Variants in NYNRIN observed in about 807,000 individuals in gnomAD.
The protein encoded by NYNRIN is NYN domain and retroviral integrase containing, also known as protein NYNRIN.
In NYNRIN, 86 loss-of-function variants were observed where a neutral mutation model predicts 146.6. That is an observed-to-expected ratio of 0.59 (90% confidence interval 0.49 to 0.70). The LOEUF (loss-of-function observed/expected upper bound fraction) is 0.70, where lower values mean the gene tolerates loss of function less well. Ranked by LOEUF, NYNRIN falls within the 30% of genes least tolerant of loss-of-function variation. The probability of loss-of-function intolerance (pLI) is 0.00; values close to 1 mark genes in which losing one functional copy is unlikely to be tolerated. For synonymous variants in NYNRIN, 1,027 were observed against 1,001.3 expected (o/e 1.03, Z -0.48); for missense variants, 2,191 against 2,377.7 (o/e 0.92, Z 1.63).
At chr14:24,406,860 C>T (rs1458229453) in intron 2 of NYNRIN, among the ~76,000 whole-genome samples, 1 of 152,252 alleles carries the variant, frequency 6.6e-6, no homozygotes, top group Non-Finnish European at 1.5e-5. Context: ...GGAGAAACCC[C>T]AACCTCGCCC....
At position 24,408,079 on chromosome 14, in the gene NYNRIN, C is replaced by T. The variant is rs373561750; in HGVS notation, c.409C>T (p.Leu137=). 4 of 1,613,606 alleles carry T rather than the reference C, an allele frequency of 2.5e-6. No homozygotes were observed. The highest frequency in any genetic ancestry group is 2.2e-5 in the East Asian group (1 of 44,880). The part of the protein sequence containing the change: ...FIMTQNWLEE[L]VGRLRWGPAP... ...CATGACACAGAACTGGCTGGAGGAGCTGGTGGGGCGACTGCGCTGGGGCCC... is the reference window on the plus strand; with the variant it reads ...CATGACACAGAACTGGCTGGAGGAGTTGGTGGGGCGACTGCGCTGGGGCCC... Residue 137 remains leucine (L), a synonymous_variant, in exon 3 of 9, where the codon CTG becomes TTG. Coordinates refer to ENST00000382554, the MANE Select transcript of NYNRIN (RefSeq NM_025081.3).
At position 24,417,544 on chromosome 14, in the gene NYNRIN, C is replaced by T. The variant is rs2042956736; in HGVS notation, c.*98C>T. The stretch of plus-strand genomic sequence containing the variant: ...GTGCTCTCAGTCCACTGGGGGCCCT[C>T]AGTTGTGCCTTTTGTAGAGAACTTG... On this transcript the variant is annotated 3_prime_UTR_variant, in exon 9 of 9. Coordinates refer to ENST00000382554, the MANE Select transcript of NYNRIN (RefSeq NM_025081.3). 3.6e-6 allele frequency: 5 copies of T among 1,386,138 alleles called. No homozygotes were observed. Among genetic ancestry groups the T allele is most frequent in the Non-Finnish European group, 4.7e-6 (5 of 1,071,052 alleles). 85.9% of individuals were successfully genotyped at this position (1,386,138 alleles called of 1,614,324 possible).
In NYNRIN at chr14:24,408,378, CGTG is replaced by C. The variant is rs770940467; in HGVS notation, c.710_712del (p.Val237del). ...AGAAGGAAGCCCCAGCCATGGTGTCCGTGGGAGAGAGTCCTGGACCCTTTGTGG... is the reference window on the plus strand; with the variant it reads ...AGAAGGAAGCCCCAGCCATGGTGTCCGGAGAGAGTCCTGGACCCTTTGTGG... On this transcript the variant is annotated inframe_deletion, in exon 3 of 9. Transcript: ENST00000382554. 6.2e-7 allele frequency: 1 copy of C among 1,613,762 alleles called. No individual in the cohort carries two copies. Among genetic ancestry groups the C allele is most frequent in the African/African-American group, 1.3e-5 (1 of 74,914 alleles).
rs371855060 is a variant in NYNRIN, at chr14:24,415,578, G to A, written c.3829G>A (p.Gly1277Ser). Reference protein sequence around the residue: ...KRALELALLQGLLGENRLLTP... With the variant: ...KRALELALLQSLLGENRLLTP... ...GGCCCTGGAATTGGCCCTCCTCCAG[G>A]GCCTGCTGGGGGAGAACCGCCTGCT... The change falls in exon 9 of 9, where the codon GGC (glycine) becomes AGC (serine). Residue 1277 changes from glycine to serine, a missense_variant. Gly to Ser is a moderately conservative substitution (Grantham distance 56, BLOSUM62 0). Transcript: ENST00000382554. 5.6e-6 allele frequency: 9 copies of A among 1,613,770 alleles called. No homozygotes were observed. Among genetic ancestry groups the A allele is most frequent in the Non-Finnish European group, 6.8e-6 (8 of 1,179,886 alleles).
intron 6 of NYNRIN, 34 bp from the exon 7 acceptor site, chr14:24,412,963 A>T: frequency 7.1e-7 from 1 of 1,406,880 alleles, no homozygotes; most frequent in Non-Finnish European, 9.9e-7. Context: ...GGGGCTAGTT[A>T]CTGGGTCATT....
chr14:24,408,696 A>G lies in NYNRIN; in HGVS notation c.902A>G (p.Glu301Gly). Residue 301 changes from glutamate (E) to glycine (G), a missense_variant, in exon 4 of 9, where the codon GAA becomes GGA. By Grantham distance (98) the Glu-to-Gly change is moderately conservative (BLOSUM62 -2). This residue lies in a region of NYNRIN where 895 missense variants were observed against 941.2 expected (regional missense o/e 0.95). Transcript: ENST00000382554. ...GATGGTATGGACAGTGCTCAAGAGG[A>G]AGGGACAGTGCAAGCCACCAGCAGC... ...NQDGMDSAQEEGTVQATSSQD... is the reference protein window; with the variant it reads ...NQDGMDSAQEGGTVQATSSQD... 6.2e-7 allele frequency: 1 copy of G among 1,613,286 alleles called. No homozygotes were observed. The highest frequency in any genetic ancestry group is 1.3e-5 in the African/African-American group (1 of 75,044).
At position 24,410,056 on chromosome 14, in the gene NYNRIN, G is replaced by C. The variant is rs1400214089; in HGVS notation, c.2262G>C (p.Gln754His). 1 of 1,613,818 alleles carries C rather than the reference G, an allele frequency of 6.2e-7. No homozygotes were observed. Among genetic ancestry groups the C allele is most frequent in the Non-Finnish European group, 8.5e-7 (1 of 1,179,910 alleles). Residue 754 changes from glutamine (Q) to histidine (H), a missense_variant, in exon 4 of 9, where the codon CAG becomes CAC. Physicochemically the swap from Gln to His is conservative, Grantham distance 24. Coordinates refer to ENST00000382554, the MANE Select transcript of NYNRIN (RefSeq NM_025081.3). Reference sequence around the variant, plus strand: ...GGGCTTGGGAGGGGGCCCCAAGGCAGCCACCTCGCCACCTGCAAGCGAACA... The same window carrying C: ...GGGCTTGGGAGGGGGCCCCAAGGCACCCACCTCGCCACCTGCAAGCGAACA... The part of the protein sequence containing the change: ...LLGAWEGAPR[Q>H]PPRHLQANST...
Position 24,415,362 on chromosome 14 carries a change from G to T in NYNRIN, c.3613G>T (p.Gly1205Trp). ...TGAGGAGAGCCAGGGCCCCCAGTCAGGGGGTGACAGCCCCTATGCTGTGGC... is the reference window on the plus strand; with the variant it reads ...TGAGGAGAGCCAGGGCCCCCAGTCATGGGGTGACAGCCCCTATGCTGTGGC... ...PDEESQGPQS[G>W]GDSPYAVAWA... The change falls in exon 9 of 9, where the codon GGG (glycine) becomes TGG (tryptophan). Residue 1205 changes from glycine to tryptophan, a missense_variant. Coordinates refer to ENST00000382554, the MANE Select transcript of NYNRIN (RefSeq NM_025081.3). 3.1e-6 allele frequency: 5 copies of T among 1,613,954 alleles called. No homozygotes were observed. Among genetic ancestry groups the T allele is most frequent in the Non-Finnish European group, 4.2e-6 (5 of 1,179,862 alleles).
intron 4 of NYNRIN, among the ~76,000 whole-genome samples, chr14:24,410,501 G>C (rs1239114815): frequency 6.6e-6 from 1 of 152,236 alleles, no homozygotes; most frequent in Non-Finnish European, 1.5e-5. Context: ...AAGGGGTCCA[G>C]CTGGCCTTTT....
At position 24,410,223 on chromosome 14, in the gene NYNRIN, G is replaced by T; in HGVS notation, c.2414+15G>T. On this transcript the variant is annotated intron_variant, in intron 4 of 8. Transcript: ENST00000382554. ...GTGGCCATGGTGTGAGTAGTCACGG[G>T]CGTGGGGTGGGCTGGGGATGCTGTG... 6.4e-7 allele frequency: 1 copy of T among 1,562,086 alleles called. No homozygotes were observed. Among genetic ancestry groups the T allele is most frequent in the Non-Finnish European group, 8.7e-7 (1 of 1,148,090 alleles).
At chr14:24,414,472 C>G in intron 8 of NYNRIN, 124 bp from the exon 9 acceptor site, 1 of 1,390,878 alleles carries the variant, frequency 7.2e-7, no homozygotes, top group Admixed American at 2.9e-5. Flanking sequence ...CTATGCCATG[C>G]AAGTTGTTGG....
rs2042958350 is a variant in NYNRIN, at chr14:24,417,735, G to A, written c.*289G>A. On this transcript the variant is annotated 3_prime_UTR_variant, in exon 9 of 9. Coordinates refer to ENST00000382554, the MANE Select transcript of NYNRIN (RefSeq NM_025081.3). ...TCCTCTAGGCTATACCAGGCTCAGT[G>A]TCTTCTCCCCAAGTATCCTCTTTCC... 2.9e-6 allele frequency: 1 copy of A among 346,462 alleles called. No individual in the cohort carries two copies. Among genetic ancestry groups the A allele is most frequent in the African/African-American group, 2.1e-5 (1 of 47,608 alleles). The allele number at this position is 346,462 out of a possible 1,614,324, so 21.5% of individuals were successfully genotyped here. A position where few individuals can be genotyped will look rare whatever the true frequency, so the allele number is the denominator to read the frequency against.
intron 2 of NYNRIN, among the ~76,000 whole-genome samples, chr14:24,406,812 G>A (rs1448463864): frequency 1.3e-5 from 2 of 152,238 alleles, no homozygotes; most frequent in Non-Finnish European, 2.9e-5. Flanking sequence ...ATTGGAGCGA[G>A]AGCTCATGGG....
intron 2 of NYNRIN, among the ~76,000 whole-genome samples, chr14:24,405,058 ATGTGTGTGAATGTG>A (rs2042869131): frequency 1.4e-5 from 2 of 142,500 alleles, no homozygotes; most frequent in Admixed American, 7.0e-5. Context: ...ATGTGTGTGA[ATGTGTGTGAATGTG>A]TGTGTGTGTG....
rs780316563 is a variant in NYNRIN at position 24,408,501 on chromosome 14, G to A, written c.831G>A (p.Pro277=). The part of the protein sequence containing the change: ...TGSLITAQST[P]QEAANQLVRV... Reference sequence around the variant, plus strand: ...CCCTGATCACAGCCCAGAGCACACCGCAGGAGGCAGCAAACCAGCTGGTAC... The same window carrying A: ...CCCTGATCACAGCCCAGAGCACACCACAGGAGGCAGCAAACCAGCTGGTAC... The change falls in exon 3 of 9, where the codon CCG becomes CCA. Residue 277 remains proline (P), a synonymous_variant. Coordinates refer to ENST00000382554, the MANE Select transcript of NYNRIN (RefSeq NM_025081.3). The A allele has an allele frequency of 1.0e-5, 16 of 1,583,446 alleles. No individual in the cohort carries two copies. The Admixed American group carries it at 1.4e-4, about 14-fold the overall frequency.
In NYNRIN at chr14:24,399,344, G is replaced by GC; in HGVS notation, c.99dup (p.Ile34HisfsTer3). The GC allele has an allele frequency of 5.0e-6, 8 of 1,613,800 alleles. No homozygotes were observed. The highest frequency in any genetic ancestry group is 6.8e-6 in the Non-Finnish European group (8 of 1,179,826). On this transcript the variant is annotated frameshift_variant, in exon 2 of 9. Transcript: ENST00000382554. LOFTEE classifies it high-confidence loss of function. Reference sequence around the variant, plus strand: ...CAGCGGCAGCGGCTGCAAGTGCAGCGCATCTTTAGGGTCAAGCTGAACGCC... The same window carrying GC: ...CAGCGGCAGCGGCTGCAAGTGCAGCGCCATCTTTAGGGTCAAGCTGAACGCC...
intron 3 of NYNRIN, 44 bp downstream of exon 3, chr14:24,408,571 G>A (rs373137671): frequency 7.8e-6 from 12 of 1,537,236 alleles, no homozygotes; most frequent in Non-Finnish European, 1.0e-5. Context: ...TCCTACCCCT[G>A]CTCCCCTACC....
chr14:24,418,714 G>A lies in NYNRIN; in HGVS notation c.*1268G>A, dbSNP rs1594745162. Reference sequence around the variant, plus strand: ...TCTCCGGAAGCTGAGCCAGTCTCCTGGTCTAGCCCAGGTTGCCAGAACGCT... The same window carrying A: ...TCTCCGGAAGCTGAGCCAGTCTCCTAGTCTAGCCCAGGTTGCCAGAACGCT... On this transcript the variant is annotated 3_prime_UTR_variant, in exon 9 of 9. Coordinates refer to ENST00000382554, the MANE Select transcript of NYNRIN (RefSeq NM_025081.3). The A allele has an allele frequency of 6.2e-6, 1 of 160,086 alleles. No homozygotes were observed. The highest frequency in any genetic ancestry group is 1.9e-4 in the East Asian group (1 of 5,272). 9.9% of individuals were successfully genotyped at this position (160,086 alleles called of 1,614,324 possible).
Position 24,415,756 on chromosome 14 carries a change from G to GC in NYNRIN, c.4013dup (p.Val1339CysfsTer63). ...GGTCTCTATGTTCTATCGCCCACCA[G>GC]CCCCCCTGTCTCCCTTTCCTTCTCC... On this transcript the variant is annotated frameshift_variant, in exon 9 of 9. Transcript: ENST00000382554. LOFTEE classifies it high-confidence loss of function. 1 of 1,613,766 alleles carries GC rather than the reference G, an allele frequency of 6.2e-7. No homozygotes were observed. Among genetic ancestry groups the GC allele is most frequent in the South Asian group, 1.1e-5 (1 of 91,042 alleles).
Sources: allele counts gnomAD v4.1 joint callset (sites outside exome capture counted in the v4.1 genomes callset), GRCh38; gene constraint gnomAD v4.1.1; regional missense constraint gnomAD v4.1.1; transcripts MANE v1.5; gene names NCBI Gene and HGNC (gene_info 2026-07-23, HGNC 2026-07-21).